Variants in KTN1 observed in about 807,000 individuals in gnomAD.
KTN1 encodes the protein kinectin.
KTN1 carries 130 observed loss-of-function variants against 222.5 expected under a neutral mutation model. That is an observed-to-expected ratio of 0.58 (90% CI 0.51 to 0.68). The LOEUF is 0.68. Ranked by LOEUF, KTN1 falls within the 30% of genes least tolerant of loss-of-function variation. The pLI is 0.00. For synonymous variants in KTN1, 512 were observed against 496.3 expected, an observed-to-expected ratio of 1.03 and a Z score of -0.42; for missense variants, 1,508 against 1,500.4, an observed-to-expected ratio of 1.01 and a Z score of -0.08.
intron 9 of KTN1, among the ~76,000 whole-genome samples, chr14:55,635,168 C>T (rs571481611): frequency 6.6e-6 from 1 of 151,930 alleles, no homozygotes; most frequent in Admixed American, 6.6e-5. Flanking sequence ...AATGCTATGC[C>T]CTGATGAAAG....
intron 18 of KTN1, among the ~76,000 whole-genome samples, chr14:55,646,626 T>G (rs1261489902): frequency 6.6e-6 from 1 of 151,250 alleles, no homozygotes; most frequent in African/African-American, 2.4e-5. Flanking sequence ...TGCGAGGTCT[T>G]AGAGTCTGGA....
At chr14:55,639,062 A>C (rs2041468412) in intron 12 of KTN1, 123 bp from the exon 13 acceptor site, 1 of 626,184 alleles carries the variant, frequency 1.6e-6, no homozygotes, top group East Asian at 2.8e-5. Context: ...ACCATGGGCC[A>C]GATACTTTCA....
chr14:55,663,150 A>T, intron 32 of KTN1: 1 of 313,522 alleles, frequency 3.2e-6, no homozygotes. Flanking sequence ...TGCCAAGTAC[A>T]GTGGTTGGCA....
chr14:55,594,691 G>A (rs148052805), intron 1 of KTN1, among the ~76,000 whole-genome samples: 525 of 151,908 alleles, frequency 3.5e-3, no homozygotes, highest in Non-Finnish European at 3.9e-3. Context: ...ATTATGATGC[G>A]GTATTTCATC....
chr14:55,618,102 G>T lies in KTN1; in HGVS notation c.800G>T (p.Gly267Val), dbSNP rs139072949. ...CAAGTAGAAGGGATCCAGAAATCTG[G>T]GACTAAAAAACTGAAGACCGAAACT... is the stretch of plus-strand genomic sequence containing the variant. ...PDQVEGIQKS[G>V]TKKLKTETDK... is the part of the protein sequence containing the mutation. Residue 267 changes from glycine to valine, a missense_variant, in exon 4 of 44, where the codon GGG (glycine) becomes GTG (valine). By Grantham distance (109) the Gly-to-Val change is moderately radical. Coordinates refer to ENST00000395314, the MANE Select transcript of KTN1 (RefSeq NM_001079521.2). 6.7e-4 allele frequency: 1,073 copies of T among 1,611,496 alleles called. 1 individual carries two copies. Among genetic ancestry groups the T allele is most frequent in the Non-Finnish European group, 8.8e-4 (1,034 of 1,179,046 alleles).
intron 1 of KTN1, among the ~76,000 whole-genome samples, chr14:55,590,459 A>T (rs2033905476): frequency 6.6e-6 from 1 of 152,222 alleles, no homozygotes; most frequent in East Asian, 1.9e-4. Context: ...ACAGCCTTGT[A>T]TCTAATACCC....
intron 1 of KTN1, among the ~76,000 whole-genome samples, chr14:55,600,785 T>A (rs919303879): frequency 1.3e-5 from 2 of 152,244 alleles, no homozygotes; most frequent in African/African-American, 4.8e-5. Context: ...AAACTGATTT[T>A]ATGTGATTTG....
rs564702184 is a variant in KTN1, at chr14:55,622,259, C to T, written c.963+2947C>T. 4.0e-4 allele frequency among the ~76,000 whole-genome samples: 61 copies of T among 152,168 alleles called. No homozygotes were observed. The South Asian group carries it at 8.3e-3, about 21-fold the overall frequency. ...GTGATTTCTGGATAGCATGTATGAA[C>T]GGTTTTTGTGACTGAAGATCACACC... On this transcript the variant is annotated intron_variant, in intron 5 of 43. Coordinates refer to ENST00000395314, the MANE Select transcript of KTN1 (RefSeq NM_001079521.2).
intron 1 of KTN1, among the ~76,000 whole-genome samples, chr14:55,581,317 G>GT (rs2031550642): frequency 1.3e-5 from 2 of 152,244 alleles, no homozygotes; most frequent in South Asian, 4.1e-4. Context: ...GCTGTTCAGT[G>GT]TTGGCCCTTC....
Position 55,612,419 on chromosome 14 carries a change from T to C in KTN1, c.371T>C (p.Val124Ala). 3 of 1,614,134 alleles carry C rather than the reference T, an allele frequency of 1.9e-6. No homozygotes were observed. The highest frequency in any genetic ancestry group is 1.1e-5 in the South Asian group (1 of 91,076). Residue 124 changes from valine to alanine, a missense_variant, in exon 2 of 44, where the codon GTG becomes GCG. Coordinates refer to ENST00000395314, the MANE Select transcript of KTN1 (RefSeq NM_001079521.2). ...RKKKEKKQKP[V>A]LEEQVIKESD... ...AAGAAGGAAAAGAAACAAAAGCCTG[T>C]GCTTGAAGAGCAGGTCATCAAAGAA...
intron 43 of KTN1, 85 bp downstream of exon 43, chr14:55,679,770 C>G: frequency 7.5e-7 from 1 of 1,331,780 alleles, no homozygotes; most frequent in Non-Finnish European, 1.1e-6. Flanking sequence ...AAACTCACTT[C>G]ACTAGAGGAA....
intron 5 of KTN1, among the ~76,000 whole-genome samples, chr14:55,623,145 C>A (rs980129267): frequency 2.0e-5 from 3 of 152,382 alleles, no homozygotes; most frequent in Admixed American, 6.5e-5. Flanking sequence ...TTCTTTCTTA[C>A]AACCGTCTGG....
intron 8 of KTN1, among the ~76,000 whole-genome samples, chr14:55,634,066 A>G (rs1957876): frequency 1 from 151,805 of 152,154 alleles, 75,731 homozygotes; most frequent in Middle Eastern, 1. Context: ...CCTGGGAGGT[A>G]GAGGTTGCAG....
intron 11 of KTN1, 135 bp downstream of exon 11, chr14:55,637,499 G>A: frequency 1.4e-6 from 1 of 731,810 alleles, no homozygotes; most frequent in East Asian, 2.8e-5. Flanking sequence ...TTTGTCTTTT[G>A]AGCACTTGTC....
At chr14:55,617,887 C>A in intron 3 of KTN1, 77 bp from the exon 4 acceptor site, 1 of 1,056,582 alleles carries the variant, frequency 9.5e-7, no homozygotes, top group Non-Finnish European at 1.3e-6. Flanking sequence ...CTGCATTTAT[C>A]ATTAAATTAT....
chr14:55,641,848 A>G (rs568627789), intron 18 of KTN1, 88 bp downstream of exon 18: 3 of 869,000 alleles, frequency 3.5e-6, no homozygotes, highest in East Asian at 4.9e-5. Context: ...TTACTAATTG[A>G]GAAATTTTGC....
At chr14:55,682,281 A>C (rs2046442116) in intron 43 of KTN1, 2 of 152,004 alleles carry the variant, frequency 1.3e-5, no homozygotes, top group African/African-American at 2.4e-5. Context: ...TCCTCCCCCC[A>C]TCAAAAAAAG....
rs533073863 is a variant in KTN1, at chr14:55,583,128, C to T, written c.-31+2774C>T. Among the ~76,000 whole-genome samples, 8 of 152,154 alleles carry T rather than the reference C, an allele frequency of 5.3e-5. No individual in the cohort carries two copies. In the East Asian group the frequency reaches 1.4e-3, roughly 26 times the overall value. ...GAAAATTAAACATTAAGGGGAAGAA[C>T]CTTATGTGCTGTGAACTAAGGGGTT... is the stretch of plus-strand genomic sequence containing the variant. On this transcript the variant is annotated intron_variant, in intron 1 of 43. Transcript: ENST00000395314.
At chr14:55,632,875 T>A (rs2040693047) in intron 7 of KTN1, among the ~76,000 whole-genome samples, 1 of 152,196 alleles carries the variant, frequency 6.6e-6, no homozygotes, top group African/African-American at 2.4e-5. Context: ...ATATTGCTAA[T>A]GTATAATTGA....
Sources: allele counts gnomAD v4.1 joint callset (sites outside exome capture counted in the v4.1 genomes callset), GRCh38; gene constraint gnomAD v4.1.1; transcripts MANE v1.5; gene names NCBI Gene and HGNC (gene_info 2026-07-23, HGNC 2026-07-21).